SLC2A5: variants seen among roughly 807,000 people sequenced by gnomAD.
SLC2A5 encodes solute carrier family 2, facilitated glucose transporter member 5.
SLC2A5 carries 56 observed loss-of-function variants against 50.3 expected under a neutral mutation model. The ratio of observed to expected loss-of-function variants is 1.11; its 90% CI spans 0.90 to 1.39. The LOEUF is 1.39. Among genes scored for constraint, SLC2A5 ranks in the 40% most tolerant of loss-of-function variants. The pLI is 0.00. For missense variants in SLC2A5, 566 were observed against 650.1 expected, an observed-to-expected ratio of 0.87 and a Z score of 1.41; for synonymous variants, 269 against 281.9, an observed-to-expected ratio of 0.95 and a Z score of 0.46.
chr1:9,044,329 TCAAA>T (rs1039667267), intron 4 of SLC2A5, among the ~76,000 whole-genome samples: 17 of 151,754 alleles, frequency 1.1e-4, no homozygotes, highest in African/African-American at 2.2e-4. Flanking sequence ...AGAGTCCATC[TCAAA>T]CAAACAAACA....
intron 4 of SLC2A5, among the ~76,000 whole-genome samples, chr1:9,047,175 T>C (rs1449568929): frequency 1.3e-5 from 2 of 152,184 alleles, no homozygotes; most frequent in Admixed American, 6.6e-5. Context: ...AGGGTTTCAC[T>C]GTGTTGCCCA....
At position 9,065,865 on chromosome 1, in the gene SLC2A5, T is replaced by G. The variant is rs149986610; in HGVS notation, c.33+3639A>C. On this transcript the variant is annotated intron_variant, in intron 1 of 11. Coordinates refer to ENST00000377424, the MANE Select transcript of SLC2A5 (RefSeq NM_003039.3). ...AATTTAAAAACAAGGCAGGAGTATC[T>G]CTTGAGCCCAGGAGGCTGCAATGAG... Among the ~76,000 whole-genome samples the G allele has an allele frequency of 2.9e-3, 442 of 152,128 alleles. 3 individuals carry two copies. Among genetic ancestry groups the G allele is most frequent in the African/African-American group, 0.01 (430 of 41,506 alleles).
At chr1:9,061,064 T>G (rs1024080654) in intron 1 of SLC2A5, among the ~76,000 whole-genome samples, 1 of 151,814 alleles carries the variant, frequency 6.6e-6, no homozygotes, top group African/African-American at 2.4e-5. Flanking sequence ...ATGGGTAGAC[T>G]GCTTGAGCCC....
upstream of SLC2A5, chr1:9,071,931 G>GGCCTCTGCCTCAGCCCGGGTCCCCCTCA (rs1557682966): frequency 6.3e-6 from 1 of 157,612 alleles, no homozygotes; most frequent in South Asian, 1.8e-4. Context: ...GGTCCCCCTC[G>GGCCTCTGCCTCAGCCCGGGTCCCCCTCA]GCCTCTGCCT....
At chr1:9,088,259 T>G (rs556468173) in intron 1 of SLC2A5, 1 of 152,078 alleles carries the variant, frequency 6.6e-6, no homozygotes, top group South Asian at 2.1e-4. Flanking sequence ...CCCTCCATAT[T>G]CTCAACTCTC....
chr1:9,063,531 C>T (rs1641998456), intron 1 of SLC2A5, among the ~76,000 whole-genome samples: 2 of 151,250 alleles, frequency 1.3e-5, no homozygotes, highest in Admixed American at 6.6e-5. Context: ...TGCCACCACG[C>T]CTGGCTAATT....
chr1:9,060,475 C>T (rs1641904420), intron 1 of SLC2A5, among the ~76,000 whole-genome samples: 1 of 147,840 alleles, frequency 6.8e-6, no homozygotes, highest in South Asian at 2.2e-4. Context: ...CACACATACA[C>T]ACCCATACCC....
the SLC2A5 span, among the ~76,000 whole-genome samples, chr1:9,093,854 A>G: frequency 5.9e-5 from 9 of 152,194 alleles, no homozygotes; most frequent in African/African-American, 2.2e-4. Context: ...AACAGGAAAC[A>G]TAACCCTAAT....
rs528563075 is a variant in SLC2A5, at chr1:9,081,272, A to C, written c.-59+3742T>G. 1.1e-4 allele frequency among the ~76,000 whole-genome samples: 16 copies of C among 145,508 alleles called. No individual in the cohort carries two copies. The South Asian group carries it at 3.2e-3, about 29-fold the overall frequency. On this transcript the variant is annotated intron_variant, in intron 2 of 5. Transcript: ENST00000464985. ...GAGACCTTGTTTCAGAAAAAAAAAA[A>C]AAAAAAACCCCAAAAAAAAAAAACA...
At chr1:9,083,294 G>C (rs186821338) in intron 2 of SLC2A5, among the ~76,000 whole-genome samples, 1 of 152,326 alleles carries the variant, frequency 6.6e-6, no homozygotes, top group Admixed American at 6.5e-5. Flanking sequence ...CTCCACAGTG[G>C]TTTGAAATCA....
At position 9,038,520 on chromosome 1, in the gene SLC2A5, G is replaced by A. The variant is rs767409529; in HGVS notation, c.1099-14C>T. On this transcript the variant is annotated splice_polypyrimidine_tract_variant and intron_variant, in intron 9 of 11. Transcript: ENST00000377424. The stretch of plus-strand genomic sequence containing the variant: ...GGACACTGTGTCCTGTGGAGAGAAA[G>A]CAGTTGGTTCACCTGGAGCAGACAA... The A allele has an allele frequency of 4.4e-6, 7 of 1,607,988 alleles. No homozygotes were observed. The African/African-American group carries it at 8.0e-5, about 18-fold the overall frequency.
At chr1:9,071,310 T>C (rs952093751), upstream of SLC2A5, among the ~76,000 whole-genome samples, 1 of 152,166 alleles carries the variant, frequency 6.6e-6, no homozygotes, top group Admixed American at 6.5e-5. Flanking sequence ...CTTGGGAGGC[T>C]GAGGCAGGAG....
chr1:9,078,613 A>G (rs1352760137), intron 2 of SLC2A5, among the ~76,000 whole-genome samples: 1 of 152,212 alleles, frequency 6.6e-6, no homozygotes, highest in Non-Finnish European at 1.5e-5. Flanking sequence ...TCATTTAAAG[A>G]AGAGACAGTT....
At chr1:9,066,003 G>A (rs1440834555) in intron 1 of SLC2A5, among the ~76,000 whole-genome samples, 1 of 152,050 alleles carries the variant, frequency 6.6e-6, no homozygotes, top group Non-Finnish European at 1.5e-5. Flanking sequence ...GAGTTCACTG[G>A]TATAGAACAC....
chr1:9,086,378 T>C (rs1642401640), intron 1 of SLC2A5, among the ~76,000 whole-genome samples: 1 of 142,990 alleles, frequency 7.0e-6, no homozygotes, highest in Admixed American at 6.9e-5. Flanking sequence ...GGATTTTCTT[T>C]TTCTCTCTCT....
At chr1:9,041,070 G>T in intron 5 of SLC2A5, 1 of 260,082 alleles carries the variant, frequency 3.8e-6, no homozygotes. Context: ...CTTGGCTCAC[G>T]GTAAGCACTT....
Position 9,036,256 on chromosome 1 carries a change from C to A in SLC2A5, c.*1330G>T, listed in dbSNP as rs1156780951. 6.6e-6 allele frequency: 1 copy of A among 152,200 alleles called. No homozygotes were observed. The highest frequency in any genetic ancestry group is 2.4e-5 in the African/African-American group (1 of 41,432). 9.4% of individuals were successfully genotyped at this position (152,200 alleles called of 1,614,324 possible). ...TGATGCAATCATGACTCAGGGCAGCCTTGACCTCCCAGGCTCAAGCGATCC... is the reference window on the plus strand; with the variant it reads ...TGATGCAATCATGACTCAGGGCAGCATTGACCTCCCAGGCTCAAGCGATCC... On this transcript the variant is annotated 3_prime_UTR_variant, in exon 12 of 12. Transcript: ENST00000377424.
At chr1:9,069,480 C>G (rs552093169) in intron 1 of SLC2A5, 24 bp downstream of exon 1, 1 of 1,613,404 alleles carries the variant, frequency 6.2e-7, no homozygotes, top group South Asian at 1.1e-5. Flanking sequence ...GCTCTTGGCC[C>G]CTTTCCCTGA....
At chr1:9,089,652 G>A (rs1642441915), upstream of SLC2A5, among the ~76,000 whole-genome samples, 1 of 152,208 alleles carries the variant, frequency 6.6e-6, no homozygotes, top group Non-Finnish European at 1.5e-5. Flanking sequence ...CTGGGAGTCT[G>A]TTTCTGATGT....
Sources: allele counts gnomAD v4.1 joint callset (sites outside exome capture counted in the v4.1 genomes callset), GRCh38; gene constraint gnomAD v4.1.1; transcripts MANE v1.5; gene names NCBI Gene and HGNC (gene_info 2026-07-23, HGNC 2026-07-21).